Variants in RALGAPA1 observed in about 807,000 individuals in gnomAD.
The protein encoded by RALGAPA1 is Ral GTPase activating protein catalytic subunit alpha 1, also known as ral GTPase-activating protein subunit alpha-1.
RALGAPA1 carries 52 observed loss-of-function variants against 269.6 expected under a neutral mutation model. That is an observed-to-expected ratio of 0.19 (90% CI 0.15 to 0.24). The LOEUF is 0.24. RALGAPA1 is among the 10% of genes least tolerant of loss of function. The pLI is 1.00. For missense variants in RALGAPA1, 1,917 were observed against 3,013.9 expected, an observed-to-expected ratio of 0.64 and a Z score of 8.52; for synonymous variants, 817 against 1,008.3, an observed-to-expected ratio of 0.81 and a Z score of 3.60.
At chr14:35,582,395 G>T (rs146340410) in intron 37 of RALGAPA1, among the ~76,000 whole-genome samples, 2 of 152,264 alleles carry the variant, frequency 1.3e-5, no homozygotes, top group African/African-American at 4.8e-5. Flanking sequence ...ATAAAATGCC[G>T]AACAAACTGA....
chr14:35,700,137 C>T (rs2067225184), intron 17 of RALGAPA1, 25 bp downstream of exon 17: 1 of 1,506,236 alleles, frequency 6.6e-7, no homozygotes, highest in East Asian at 2.5e-5. Context: ...AAAGGTGGTG[C>T]AGAAATTAGC....
At chr14:35,684,017 C>T in intron 20 of RALGAPA1, 32 bp from the exon 21 acceptor site, 3 of 1,552,024 alleles carry the variant, frequency 1.9e-6, no homozygotes, top group Non-Finnish European at 2.6e-6. Context: ...TTATATGAGT[C>T]CCAATTACAA....
At chr14:35,675,901 G>A (rs2064893098) in intron 22 of RALGAPA1, among the ~76,000 whole-genome samples, 1 of 151,856 alleles carries the variant, frequency 6.6e-6, no homozygotes, top group African/African-American at 2.4e-5. Context: ...TCACTTCTTA[G>A]TACATGTACA....
At chr14:35,548,006 G>C (rs1272651954) in intron 41 of RALGAPA1, among the ~76,000 whole-genome samples, 1 of 151,830 alleles carries the variant, frequency 6.6e-6, no homozygotes, top group East Asian at 1.9e-4. Context: ...AAAGAGATTT[G>C]AAGGTTTATT....
intron 37 of RALGAPA1, among the ~76,000 whole-genome samples, chr14:35,575,754 C>A (rs2057517297): frequency 6.6e-6 from 1 of 152,084 alleles, no homozygotes; most frequent in Non-Finnish European, 1.5e-5. Context: ...ACCCCCACGC[C>A]CAGCTAATTT....
At chr14:35,579,388 T>C (rs1227216266) in intron 37 of RALGAPA1, among the ~76,000 whole-genome samples, 2 of 152,096 alleles carry the variant, frequency 1.3e-5, no homozygotes, top group African/African-American at 4.8e-5. Context: ...CCCAGCACTT[T>C]GGGAGGCTGA....
intron 9 of RALGAPA1, 65 bp downstream of exon 9, chr14:35,750,417 A>C (rs2072567828): frequency 8.2e-7 from 1 of 1,222,730 alleles, no homozygotes; most frequent in Non-Finnish European, 1.2e-6. Context: ...AGGCAACTGA[A>C]CTCAATGGAC....
intron 37 of RALGAPA1, among the ~76,000 whole-genome samples, chr14:35,593,365 G>T (rs2058746034): frequency 6.6e-6 from 1 of 152,024 alleles, no homozygotes; most frequent in Admixed American, 6.6e-5. Flanking sequence ...AGATATCTTG[G>T]ATTGAAATAA....
chr14:35,803,036 G>A (rs1396014430), intron 1 of RALGAPA1, among the ~76,000 whole-genome samples: 3 of 151,812 alleles, frequency 2.0e-5, no homozygotes, highest in East Asian at 1.9e-4. Context: ...TGGCATTTGG[G>A]AAAAAAAGAA....
intron 11 of RALGAPA1, 42 bp downstream of exon 11, chr14:35,742,326 C>A (rs1171917071): frequency 1.1e-5 from 15 of 1,359,728 alleles, no homozygotes; most frequent in Non-Finnish European, 1.5e-5. Context: ...AACTCTTAAT[C>A]TATTAGACTA....
At chr14:35,670,202 T>A (rs2064287031) in intron 26 of RALGAPA1, among the ~76,000 whole-genome samples, 1 of 152,224 alleles carries the variant, frequency 6.6e-6, no homozygotes, top group Non-Finnish European at 1.5e-5. Flanking sequence ...GGATGTCTAA[T>A]ACACATCTTA....
At chr14:35,609,242 A>T (rs2139266694) in intron 35 of RALGAPA1, among the ~76,000 whole-genome samples, 1 of 152,012 alleles carries the variant, frequency 6.6e-6, no homozygotes, top group African/African-American at 2.4e-5. Context: ...AAAAAAACCA[A>T]AAAACAAAAA....
rs1595152050 is a variant in RALGAPA1 at position 35,689,175 on chromosome 14, A to C, written c.3236T>G (p.Leu1079Arg). ...TELDACVDVT[L>R]VEKLKSVQIN... ...TTGCACACTCTTAAGCTTTTCAACT[A>C]GTGTTACATCAACACAAGCATCTAA... The change falls in exon 18 of 42, where the codon CTA becomes CGA. Residue 1079 changes from leucine to arginine, a missense_variant. By Grantham distance (102) the Leu-to-Arg change is moderately radical (BLOSUM62 -2). Transcript: ENST00000680220. 7 of 1,233,184 alleles carry C rather than the reference A, an allele frequency of 5.7e-6. No individual in the cohort carries two copies. Among genetic ancestry groups the C allele is most frequent in the Non-Finnish European group, 7.1e-6 (7 of 988,832 alleles). 76.4% of individuals were successfully genotyped at this position (1,233,184 alleles called of 1,614,324 possible).
At chr14:35,640,806 T>C (rs1442080989) in intron 31 of RALGAPA1, among the ~76,000 whole-genome samples, 1 of 152,174 alleles carries the variant, frequency 6.6e-6, no homozygotes, top group Non-Finnish European at 1.5e-5. Flanking sequence ...ATATTCCTGA[T>C]GAACATTGAT....
chr14:35,640,573 T>C (rs540398506), intron 31 of RALGAPA1, among the ~76,000 whole-genome samples: 1 of 152,190 alleles, frequency 6.6e-6, no homozygotes, highest in Admixed American at 6.6e-5. Flanking sequence ...ACCAGTAACA[T>C]ATAACAAGAA....
chr14:35,651,041 C>T (rs1461421260), intron 31 of RALGAPA1, among the ~76,000 whole-genome samples: 1 of 151,982 alleles, frequency 6.6e-6, no homozygotes, highest in Admixed American at 6.6e-5. Flanking sequence ...GACCTAGAGT[C>T]TCTACAACAT....
Position 35,570,763 on chromosome 14 carries a change from C to T in RALGAPA1, c.7369-19G>A. 1 of 1,566,754 alleles carries T rather than the reference C, an allele frequency of 6.4e-7. No individual in the cohort carries two copies. The highest frequency in any genetic ancestry group is 8.6e-7 in the Non-Finnish European group (1 of 1,161,168). On this transcript the variant is annotated intron_variant, in intron 38 of 41. Transcript: ENST00000680220. ...AGGGAACCTGATTGAGAAATCAGAA[C>T]ATAATTTTACATTCAAATTACAGAC...
At chr14:35,679,152 TGTG>T (rs1453327113) in intron 21 of RALGAPA1, among the ~76,000 whole-genome samples, 4 of 152,210 alleles carry the variant, frequency 2.6e-5, no homozygotes, top group African/African-American at 9.6e-5. Context: ...TTGAACAACT[TGTG>T]GTGGTTATAA....
intron 36 of RALGAPA1, among the ~76,000 whole-genome samples, chr14:35,601,233 A>C (rs1174425359): frequency 2.0e-5 from 3 of 152,226 alleles, no homozygotes; most frequent in Non-Finnish European, 4.4e-5. Flanking sequence ...CAGGTGCCTC[A>C]GTAATATTGG....
Sources: gnomAD v4.1 joint callset for allele counts (sites outside exome capture counted in the v4.1 genomes callset) on GRCh38, gnomAD v4.1.1 for gene constraint, MANE v1.5 for transcripts, NCBI Gene and HGNC (gene_info 2026-07-23, HGNC 2026-07-21) for gene names.